The following RETREG1 variants were observed in gnomAD, a reference collection of about 807,000 sequenced individuals.
RETREG1 encodes reticulophagy regulator 1.
Under a neutral mutation model 54.8 loss-of-function variants are expected in RETREG1, and 44 were observed. The observed-to-expected ratio is 0.80, with a 90% CI of 0.63 to 1.03. The LOEUF is 1.03. Ranked by LOEUF, RETREG1 falls within the 50% of genes least tolerant of loss-of-function variation. The probability of loss-of-function intolerance (pLI) is 0.00; values close to 1 mark genes in which losing one functional copy is unlikely to be tolerated. For missense variants in RETREG1, 554 were observed against 605.1 expected (o/e 0.92, Z 0.89); for synonymous variants, 217 against 238.5 (o/e 0.91, Z 0.83).
At chr5:16,495,253 A>T (rs1326266939) in intron 3 of RETREG1, among the ~76,000 whole-genome samples, 3 of 152,216 alleles carry the variant, frequency 2.0e-5, no homozygotes, top group African/African-American at 7.2e-5. Context: ...AGTTTGAAAA[A>T]TTTGCAGCCT....
chr5:16,544,523 T>C (rs1371299136), intron 3 of RETREG1, among the ~76,000 whole-genome samples: 1 of 152,202 alleles, frequency 6.6e-6, no homozygotes, highest in Non-Finnish European at 1.5e-5. Flanking sequence ...CTTTCAGCTG[T>C]GTTTTCTTCT....
chr5:16,489,174 A>C (rs1215721079), intron 3 of RETREG1, among the ~76,000 whole-genome samples: 1 of 151,022 alleles, frequency 6.6e-6, no homozygotes, highest in Non-Finnish European at 1.5e-5. Flanking sequence ...TGTAGGATAC[A>C]AAGTGGTGAG....
chr5:16,604,705 C>A (rs555263106), intron 1 of RETREG1, among the ~76,000 whole-genome samples: 17 of 152,258 alleles, frequency 1.1e-4, no homozygotes, highest in African/African-American at 4.1e-4. Flanking sequence ...CCGTCAGGAG[C>A]GTGGAGGTGG....
chr5:16,517,756 C>A (rs1057075708), intron 3 of RETREG1, among the ~76,000 whole-genome samples: 37 of 152,264 alleles, frequency 2.4e-4, no homozygotes, highest in Admixed American at 2.6e-4. Flanking sequence ...AAATTACATG[C>A]ATATACATTT....
Position 16,585,649 on chromosome 5 carries a change from C to G in RETREG1, c.321-13547G>C, listed in dbSNP as rs1742608685. On this transcript the variant is annotated intron_variant, in intron 1 of 8. Transcript: ENST00000306320. This position sits in a 1 kb window ranked among gnomAD's most constrained non-coding sequence, Gnocchi z 4.5. ...ATTCTTGCATTGCCCTAAAGAAATA[C>G]CTGAGACTGGGTAATTTATAAAGAA... Among the ~76,000 whole-genome samples, 1 of 152,134 alleles carries G rather than the reference C, an allele frequency of 6.6e-6. No individual in the cohort carries two copies. Among genetic ancestry groups the G allele is most frequent in the South Asian group, 2.1e-4 (1 of 4,826 alleles).
intron 3 of RETREG1, among the ~76,000 whole-genome samples, chr5:16,527,999 CG>C (rs953456422): frequency 6.6e-6 from 1 of 151,682 alleles, no homozygotes; most frequent in African/African-American, 2.4e-5. Context: ...TTAGTACAGA[CG>C]GGGTTTCACC....
intron 3 of RETREG1, among the ~76,000 whole-genome samples, chr5:16,498,525 C>A (rs1041147466): frequency 6.6e-6 from 1 of 152,164 alleles, no homozygotes; most frequent in African/African-American, 2.4e-5. Context: ...CCAGCCTGGG[C>A]AACATGGCAA....
At chr5:16,565,263 G>A (rs543212061) in intron 3 of RETREG1, among the ~76,000 whole-genome samples, 36 of 152,164 alleles carry the variant, frequency 2.4e-4, no homozygotes, top group Non-Finnish European at 1.5e-4. Context: ...GCTGGGCAAG[G>A]AGCCCACTGG....
intron 1 of RETREG1, among the ~76,000 whole-genome samples, chr5:16,577,939 T>G (rs1219462623): frequency 1.3e-5 from 2 of 152,240 alleles, no homozygotes; most frequent in Non-Finnish European, 2.9e-5. Context: ...ATGAAGCCTC[T>G]TTTTCTTTAT....
intron 3 of RETREG1, among the ~76,000 whole-genome samples, chr5:16,484,700 A>G (rs1738948953): frequency 6.6e-6 from 1 of 152,180 alleles, no homozygotes; most frequent in South Asian, 2.1e-4. Flanking sequence ...TTTTTATAAA[A>G]ATAATTTTAA....
At chr5:16,574,334 G>T (rs1742270005) in intron 1 of RETREG1, among the ~76,000 whole-genome samples, 1 of 152,172 alleles carries the variant, frequency 6.6e-6, no homozygotes, top group South Asian at 2.1e-4. Context: ...ACAATAGAGA[G>T]AAAGTCAAAG....
chr5:16,611,860 T>A (rs1389006765), intron 1 of RETREG1, among the ~76,000 whole-genome samples: 5 of 151,558 alleles, frequency 3.3e-5, no homozygotes, highest in Non-Finnish European at 5.9e-5. Context: ...AGATCAGGAG[T>A]TCGTGACCAG....
At chr5:16,519,831 T>C (rs1459439881) in intron 3 of RETREG1, among the ~76,000 whole-genome samples, 1 of 152,228 alleles carries the variant, frequency 6.6e-6, no homozygotes, top group Non-Finnish European at 1.5e-5. Context: ...AACATATCAC[T>C]ATTTTCTTAT....
Position 16,561,206 on chromosome 5 carries a change from C to T in RETREG1, c.458+4557G>A, listed in dbSNP as rs1397310685. Among the ~76,000 whole-genome samples, 3 of 151,794 alleles carry T rather than the reference C, an allele frequency of 2.0e-5. No homozygotes were observed. Among genetic ancestry groups the T allele is most frequent in the East Asian group, 3.9e-4 (2 of 5,170 alleles). On this transcript the variant is annotated intron_variant, in intron 3 of 8. Transcript: ENST00000306320. The surrounding 1 kb of genome is among the most constrained non-coding windows in gnomAD (Gnocchi z 4.2). Reference sequence around the variant, plus strand: ...GAATGAATAAGACCCTTCCTATAAACGGTACTTCCCGCCGGGCGCAGTGGC... The same window carrying T: ...GAATGAATAAGACCCTTCCTATAAATGGTACTTCCCGCCGGGCGCAGTGGC...
intron 1 of RETREG1, among the ~76,000 whole-genome samples, chr5:16,596,864 T>C (rs140045463): frequency 6.6e-6 from 1 of 152,290 alleles, no homozygotes; most frequent in African/African-American, 2.4e-5. Context: ...GCAGCTTCTA[T>C]ACGCAAGCAG....
At chr5:16,528,184 T>A (rs1204174396) in intron 3 of RETREG1, among the ~76,000 whole-genome samples, 1 of 152,072 alleles carries the variant, frequency 6.6e-6, no homozygotes, top group Admixed American at 6.6e-5. Flanking sequence ...TGTGTTAGAT[T>A]CAAAAAGTGG....
intron 1 of RETREG1, among the ~76,000 whole-genome samples, chr5:16,600,452 G>T (rs1191779188): frequency 6.6e-6 from 1 of 152,236 alleles, no homozygotes; most frequent in African/African-American, 2.4e-5. Flanking sequence ...GGGGGTAACA[G>T]GACAGAAGAG....
At chr5:16,580,784 AG>A (rs1244259588) in intron 1 of RETREG1, among the ~76,000 whole-genome samples, 1 of 152,194 alleles carries the variant, frequency 6.6e-6, no homozygotes, top group East Asian at 1.9e-4. Flanking sequence ...TCCTCACTAG[AG>A]GGTTGCCTTA....
chr5:16,502,149 G>A (rs954486677), intron 3 of RETREG1, among the ~76,000 whole-genome samples: 1 of 151,666 alleles, frequency 6.6e-6, no homozygotes, highest in Non-Finnish European at 1.5e-5. Context: ...TAGTAGAGAC[G>A]GGGTTTCAAC....
Sources: allele counts gnomAD v4.1 joint callset (sites outside exome capture counted in the v4.1 genomes callset), GRCh38; gene constraint gnomAD v4.1.1; non-coding constraint Gnocchi (gnomAD v3.1); transcripts MANE v1.5; gene names NCBI Gene and HGNC (gene_info 2026-07-23, HGNC 2026-07-21).